TSHZ2: variants seen among roughly 807,000 people sequenced by gnomAD.
The protein encoded by TSHZ2 is teashirt zinc finger homeobox 2, also known as teashirt homolog 2.
In TSHZ2, 21 loss-of-function variants were observed where a neutral mutation model predicts 74.4. That is an observed-to-expected ratio of 0.28 (90% CI 0.20 to 0.41). TSHZ2 has a LOEUF of 0.41. Ranked by LOEUF, TSHZ2 falls within the 10% of genes least tolerant of loss-of-function variation. The pLI is 1.00. For synonymous variants in TSHZ2, 540 were observed against 515.3 expected (o/e 1.05, Z -0.65); for missense variants, 1,244 against 1,293.5 (o/e 0.96, Z 0.59).
intron 1 of TSHZ2, among the ~76,000 whole-genome samples, chr20:53,151,214 C>T (rs1242961998): frequency 6.6e-6 from 1 of 152,184 alleles, no homozygotes; most frequent in Admixed American, 6.5e-5. Flanking sequence ...ACATAACAAG[C>T]CCATCCCTAT....
chr20:53,370,480 G>A (rs1160895010), intron 2 of TSHZ2, among the ~76,000 whole-genome samples: 2 of 152,296 alleles, frequency 1.3e-5, no homozygotes, highest in African/African-American at 4.8e-5. Flanking sequence ...ACTAAACAAG[G>A]CCAGGCATTG....
chr20:53,269,542 AGGTGATGATGAT>A (rs1322595278), intron 2 of TSHZ2, among the ~76,000 whole-genome samples: 1 of 152,190 alleles, frequency 6.6e-6, no homozygotes, highest in Non-Finnish European at 1.5e-5. Context: ...TTTTCAGTGA[AGGTGATGATGAT>A]GGTGATGATC....
chr20:53,481,257 AC>A, intron 2 of TSHZ2, among the ~76,000 whole-genome samples: 2 of 97,732 alleles, frequency 2.0e-5, no homozygotes, highest in South Asian at 6.6e-4. Context: ...TGAGGTTTTT[AC>A]TTTACTTTTC....
intron 1 of TSHZ2, among the ~76,000 whole-genome samples, chr20:53,150,892 G>C (rs1032295181): frequency 3.3e-5 from 5 of 152,190 alleles, no homozygotes; most frequent in Non-Finnish European, 7.3e-5. Context: ...ACGTGGGAAG[G>C]CCATCCTTTC....
rs114554643 is a variant in TSHZ2 at position 53,468,440 on chromosome 20, T to G, written c.*9-18704T>G. 4.9e-3 allele frequency among the ~76,000 whole-genome samples: 745 copies of G among 152,268 alleles called. 6 individuals carry two copies. The highest frequency in any genetic ancestry group is 0.017 in the African/African-American group (700 of 41,548). On this transcript the variant is annotated intron_variant, in intron 2 of 2. Transcript: ENST00000371497. The stretch of plus-strand genomic sequence containing the variant: ...TTAAGGACACAAATGAAACCTCCAC[T>G]CTTGGGAGGCCCCACATCTTCTTGC...
chr20:53,487,514 G>A lies in TSHZ2; in HGVS notation c.*379G>A, dbSNP rs1455043926. Reference sequence around the variant, plus strand: ...TACTTATTTTGTCAGTTTGTAACAGGAAAGTGGGGGGGAGTCTAAGTCTTC... The same window carrying A: ...TACTTATTTTGTCAGTTTGTAACAGAAAAGTGGGGGGGAGTCTAAGTCTTC... On this transcript the variant is annotated 3_prime_UTR_variant, in exon 3 of 3. Coordinates refer to ENST00000371497, the MANE Select transcript of TSHZ2 (RefSeq NM_173485.6). 2 of 152,174 alleles carry A rather than the reference G, an allele frequency of 1.3e-5. No individual in the cohort carries two copies. The highest frequency in any genetic ancestry group is 2.9e-5 in the Non-Finnish European group (2 of 68,038). 9.4% of individuals were successfully genotyped at this position (152,174 alleles called of 1,614,324 possible).
Position 53,161,347 on chromosome 20 carries a change from G to GGAGCACTC in TSHZ2, c.41-92151_41-92144dup, listed in dbSNP as rs1214566926. 1.4e-4 allele frequency among the ~76,000 whole-genome samples: 21 copies of GGAGCACTC among 152,018 alleles called. 1 individual carries two copies. Among genetic ancestry groups the GGAGCACTC allele is most frequent in the African/African-American group, 5.1e-4 (21 of 41,364 alleles). On this transcript the variant is annotated intron_variant, in intron 1 of 2. Transcript: ENST00000371497. ...GGTGGGAGGAGGGTGAACATGACGG[G>GGAGCACTC]GAGCACTCAGACTGATGAGACAGGG...
chr20:53,407,331 T>C (rs1029818595), intron 2 of TSHZ2, among the ~76,000 whole-genome samples: 1 of 152,176 alleles, frequency 6.6e-6, no homozygotes, highest in African/African-American at 2.4e-5. Flanking sequence ...GACACAGTGG[T>C]CATTTTTGCC....
rs6123282 is a variant in TSHZ2 at position 53,436,286 on chromosome 20, G to A, written c.*9-50858G>A. ...TGGGATTCTCCTGTTCAGGCTTAAC[G>A]ATGAAAGGTAATGTGCCTTCTTTTC... On this transcript the variant is annotated intron_variant, in intron 2 of 2. Coordinates refer to ENST00000371497, the MANE Select transcript of TSHZ2 (RefSeq NM_173485.6). 2.2e-4 allele frequency among the ~76,000 whole-genome samples: 33 copies of A among 152,196 alleles called. No homozygotes were observed. In the East Asian group the frequency reaches 4.6e-3, roughly 21 times the overall value.
chr20:53,280,828 G>A (rs1311817105), intron 2 of TSHZ2, among the ~76,000 whole-genome samples: 2 of 152,040 alleles, frequency 1.3e-5, no homozygotes, highest in East Asian at 3.9e-4. Flanking sequence ...GAGTAGCTGG[G>A]ACTAGAGGTG....
At chr20:53,052,366 C>T (rs112708291) in intron 1 of TSHZ2, among the ~76,000 whole-genome samples, 1 of 152,262 alleles carries the variant, frequency 6.6e-6, no homozygotes, top group East Asian at 1.9e-4. Context: ...CCAGCAAGTG[C>T]GGCATTAGAT....
chr20:53,314,415 T>A (rs6091661), intron 2 of TSHZ2, among the ~76,000 whole-genome samples: 1 of 151,822 alleles, frequency 6.6e-6, no homozygotes, highest in Non-Finnish European at 1.5e-5. Flanking sequence ...TCTTTCATTC[T>A]GTGGGTCAGG....
intron 2 of TSHZ2, among the ~76,000 whole-genome samples, chr20:53,471,479 T>C (rs1361526782): frequency 1.3e-5 from 2 of 152,136 alleles, no homozygotes; most frequent in Admixed American, 1.3e-4. Context: ...CTGCAATAAG[T>C]CTTATAAGGA....
chr20:52,978,577 C>T (rs1191987086), intron 1 of TSHZ2, among the ~76,000 whole-genome samples: 1 of 152,140 alleles, frequency 6.6e-6, no homozygotes, highest in African/African-American at 2.4e-5. Context: ...GTATCATTTT[C>T]GTTTGATGCA....
In TSHZ2 at chr20:53,371,147, C is replaced by T. The variant is rs138928462; in HGVS notation, c.*8+114576C>T. Among the ~76,000 whole-genome samples the T allele has an allele frequency of 2.0e-5, 3 of 152,268 alleles. No individual in the cohort carries two copies. In the East Asian group the frequency reaches 5.8e-4, roughly 29 times the overall value. ...CCTACCTCATCTTAACTGAATTACA[C>T]CTGCAAAGACTCCATTTCCAAATAA... On this transcript the variant is annotated intron_variant, in intron 2 of 2. Transcript: ENST00000371497.
chr20:53,481,732 A>C (rs906628760), intron 2 of TSHZ2, among the ~76,000 whole-genome samples: 1 of 152,194 alleles, frequency 6.6e-6, no homozygotes, highest in Non-Finnish European at 1.5e-5. Flanking sequence ...GGTGGGATCC[A>C]GGAGACTTCT....
In TSHZ2 at chr20:53,332,730, C is replaced by T. The variant is rs78795888; in HGVS notation, c.*8+76159C>T. ...GCTTGTGTACCAACTTTTTCCTTTTCTTGTGTAGTTTGCACTGAGAGATCT... is the reference window on the plus strand; with the variant it reads ...GCTTGTGTACCAACTTTTTCCTTTTTTTGTGTAGTTTGCACTGAGAGATCT... On this transcript the variant is annotated intron_variant, in intron 2 of 2. Coordinates refer to ENST00000371497, the MANE Select transcript of TSHZ2 (RefSeq NM_173485.6). 4.4e-3 allele frequency among the ~76,000 whole-genome samples: 671 copies of T among 152,246 alleles called. 1 individual carries two copies. The highest frequency in any genetic ancestry group is 7.7e-3 in the Non-Finnish European group (525 of 67,994).
At chr20:53,336,893 A>C (rs777458769) in intron 2 of TSHZ2, among the ~76,000 whole-genome samples, 2 of 152,160 alleles carry the variant, frequency 1.3e-5, no homozygotes, top group African/African-American at 2.4e-5. Context: ...GAGTAAATAC[A>C]TACAAGTGCA....
At chr20:52,982,080 G>T (rs1420711888) in intron 1 of TSHZ2, among the ~76,000 whole-genome samples, 2 of 152,242 alleles carry the variant, frequency 1.3e-5, no homozygotes, top group African/African-American at 4.8e-5. Context: ...GAGAGCAGGA[G>T]TTGGGACAAC....
Sources: allele counts gnomAD v4.1 joint callset (sites outside exome capture counted in the v4.1 genomes callset), GRCh38; gene constraint gnomAD v4.1.1; transcripts MANE v1.5; gene names NCBI Gene and HGNC (gene_info 2026-07-23, HGNC 2026-07-21).